Variants in CMKLR1 observed in about 807,000 individuals in gnomAD.
CMKLR1 encodes the protein chemerin chemokine-like receptor 1, also known as chemerin-like receptor 1.
CMKLR1 carries 6 observed loss-of-function variants against 8.2 expected under a neutral mutation model. The observed-to-expected ratio is 0.73, with a 90% CI of 0.40 to 1.44. The LOEUF (loss-of-function observed/expected upper bound fraction) is 1.44. Ranked by LOEUF, CMKLR1 falls within the 40% of genes most tolerant of loss-of-function variation. The pLI is 0.02. For synonymous variants in CMKLR1, 178 were observed against 181.2 expected, an observed-to-expected ratio of 0.98 and a Z score of 0.14; for missense variants, 429 against 478.0, an observed-to-expected ratio of 0.90 and a Z score of 0.96.
At chr12:108,310,796 C>A (rs1034226914) in intron 2 of CMKLR1, among the ~76,000 whole-genome samples, 5 of 152,078 alleles carry the variant, frequency 3.3e-5, no homozygotes, top group Non-Finnish European at 7.4e-5. Flanking sequence ...AACACCGAGT[C>A]CCCCATCCCC....
intron 2 of CMKLR1, among the ~76,000 whole-genome samples, chr12:108,295,300 G>T (rs929722466): frequency 3.9e-5 from 6 of 152,242 alleles, no homozygotes; most frequent in Non-Finnish European, 7.3e-5. Context: ...GGCTGGAAGA[G>T]CTGGGATTTG....
rs1379992546 is a variant in CMKLR1, at chr12:108,330,200, G to A, written c.-279C>T. 1.5e-4 allele frequency: 23 copies of A among 152,200 alleles called. No homozygotes were observed. Among genetic ancestry groups the A allele is most frequent in the Non-Finnish European group, 1.5e-5 (1 of 68,064 alleles). The allele number at this position is 152,200 out of a possible 1,614,324, so 9.4% of individuals were successfully genotyped here. A position where few individuals can be genotyped will look rare whatever the true frequency, so the allele number is the denominator to read the frequency against. On this transcript the variant is annotated 5_prime_UTR_variant, in exon 2 of 4. Transcript: ENST00000550402. Reference sequence around the variant, plus strand: ...GAAAAATCCAAGCAGTTCTGCTGGAGAGATGGGCTACAGAGAGAGAGAAAG... The same window carrying A: ...GAAAAATCCAAGCAGTTCTGCTGGAAAGATGGGCTACAGAGAGAGAGAAAG...
intron 2 of CMKLR1, among the ~76,000 whole-genome samples, chr12:108,313,371 T>C (rs925779790): frequency 2.0e-5 from 3 of 152,058 alleles, no homozygotes; most frequent in African/African-American, 7.2e-5. Flanking sequence ...TCAAGGGGTC[T>C]CACACCCTCA....
At chr12:108,311,972 G>T (rs543756278) in intron 2 of CMKLR1, among the ~76,000 whole-genome samples, 1 of 152,228 alleles carries the variant, frequency 6.6e-6, no homozygotes, top group South Asian at 2.1e-4. Context: ...TCTGCCTGGG[G>T]TGTGCTTTCC....
chr12:108,325,800 C>T (rs1426134703), intron 2 of CMKLR1, among the ~76,000 whole-genome samples: 1 of 152,184 alleles, frequency 6.6e-6, no homozygotes, highest in Non-Finnish European at 1.5e-5. Context: ...ACCAGCGCAG[C>T]CACCAACACC....
chr12:108,314,006 C>A (rs575796510), intron 2 of CMKLR1, among the ~76,000 whole-genome samples: 1 of 152,184 alleles, frequency 6.6e-6, no homozygotes, highest in African/African-American at 2.4e-5. Flanking sequence ...CCAGCCGACC[C>A]CCACCAGGCC....
At chr12:108,314,111 C>T (rs903653674) in intron 2 of CMKLR1, among the ~76,000 whole-genome samples, 1 of 152,074 alleles carries the variant, frequency 6.6e-6, no homozygotes, top group Non-Finnish European at 1.5e-5. Context: ...TAATTATTGG[C>T]GTGATGCAGC....
At chr12:108,299,972 A>T (rs1387228589) in intron 2 of CMKLR1, among the ~76,000 whole-genome samples, 1 of 152,228 alleles carries the variant, frequency 6.6e-6, no homozygotes, top group East Asian at 1.9e-4. Context: ...TGTGGGGCAC[A>T]TGGCATTTAT....
chr12:108,304,206 C>T (rs774998081), intron 2 of CMKLR1, among the ~76,000 whole-genome samples: 16 of 152,192 alleles, frequency 1.1e-4, no homozygotes, highest in Non-Finnish European at 1.8e-4. Flanking sequence ...CACAGCTATA[C>T]TCTCCAGGCA....
intron 2 of CMKLR1, among the ~76,000 whole-genome samples, chr12:108,312,055 G>A (rs1267582197): frequency 6.6e-6 from 1 of 152,196 alleles, no homozygotes; most frequent in Admixed American, 6.5e-5. Flanking sequence ...GTGACAAGAG[G>A]AAAGAGACCC....
At chr12:108,316,254 G>A (rs1055464935) in intron 2 of CMKLR1, among the ~76,000 whole-genome samples, 6 of 152,198 alleles carry the variant, frequency 3.9e-5, no homozygotes, top group Admixed American at 3.9e-4. Flanking sequence ...GGGAATTTGA[G>A]GGAAGAGCCC....
intron 2 of CMKLR1, among the ~76,000 whole-genome samples, chr12:108,303,635 T>C (rs1432611473): frequency 6.6e-6 from 1 of 152,188 alleles, no homozygotes; most frequent in Non-Finnish European, 1.5e-5. Flanking sequence ...GTCCACTGCT[T>C]CGCCTCCTTG....
chr12:108,312,034 C>T (rs1891594212), intron 2 of CMKLR1, among the ~76,000 whole-genome samples: 1 of 152,200 alleles, frequency 6.6e-6, no homozygotes, highest in Non-Finnish European at 1.5e-5. Flanking sequence ...CCAGGCAGAG[C>T]AAACAGCAAG....
In CMKLR1 at chr12:108,291,967, A is replaced by G; in HGVS notation, c.996T>C (p.Ser332=). 6.2e-7 allele frequency: 1 copy of G among 1,614,184 alleles called. No homozygotes were observed. Among genetic ancestry groups the G allele is most frequent in the East Asian group, 2.2e-5 (1 of 44,874 alleles). Residue 332 remains serine (S), a synonymous_variant, in exon 4 of 4, where the codon TCT becomes TCC. Coordinates refer to ENST00000550402, the MANE Select transcript of CMKLR1 (RefSeq NM_001142343.2). ...DFKKFKVALF[S]RLVNALSEDT... ...CTTCACTTAGAGCATTGACCAGGCG[A>G]GAGAAGAGGGCCACCTTGAACTTCT...
At chr12:108,316,526 A>G (rs1199219795) in intron 2 of CMKLR1, among the ~76,000 whole-genome samples, 1 of 152,136 alleles carries the variant, frequency 6.6e-6, no homozygotes, top group African/African-American at 2.4e-5. Flanking sequence ...AGGGTGAAGA[A>G]AGTCCCCAGG....
chr12:108,318,011 C>T (rs370714224), intron 2 of CMKLR1: 3 of 152,302 alleles, frequency 2.0e-5, no homozygotes, highest in South Asian at 2.1e-4. Context: ...AACAATATCT[C>T]TTGGTGATGA....
chr12:108,312,106 C>A (rs1021404103), intron 2 of CMKLR1, among the ~76,000 whole-genome samples: 2 of 152,130 alleles, frequency 1.3e-5, no homozygotes, highest in African/African-American at 4.8e-5. Flanking sequence ...AGCTTGACAC[C>A]CCCTCATCTC....
intron 1 of CMKLR1, among the ~76,000 whole-genome samples, chr12:108,338,370 A>G (rs1892279808): frequency 6.6e-6 from 1 of 152,228 alleles, no homozygotes; most frequent in South Asian, 2.1e-4. Flanking sequence ...AAAGAGAATC[A>G]ACACTAACAA....
At chr12:108,320,904 G>A (rs1158919381) in intron 2 of CMKLR1, among the ~76,000 whole-genome samples, 1 of 152,238 alleles carries the variant, frequency 6.6e-6, no homozygotes, top group Non-Finnish European at 1.5e-5. Context: ...ACTTCTCAAA[G>A]AACAACAGGA....
Sources: gnomAD v4.1 joint callset for allele counts (sites outside exome capture counted in the v4.1 genomes callset) on GRCh38, gnomAD v4.1.1 for gene constraint, MANE v1.5 for transcripts, NCBI Gene and HGNC (gene_info 2026-07-23, HGNC 2026-07-21) for gene names.